Variants in NMD3 observed in about 807,000 individuals in gnomAD.
NMD3 encodes 60S ribosomal export protein NMD3.
A neutral mutation model predicts 73.1 loss-of-function variants in NMD3; 47 were observed. That is an observed-to-expected ratio of 0.64 (90% CI 0.51 to 0.82). NMD3 has a LOEUF of 0.82. Among genes scored for constraint, NMD3 ranks in the 40% least tolerant of loss-of-function variants. The probability of loss-of-function intolerance (pLI) is 0.00; values close to 1 mark genes in which losing one functional copy is unlikely to be tolerated. For synonymous variants in NMD3, 210 were observed against 194.5 expected (o/e 1.08, Z -0.66); for missense variants, 554 against 612.5 (o/e 0.90, Z 1.01).
intron 11 of NMD3, among the ~76,000 whole-genome samples, chr3:161,243,308 A>C (rs529968509): frequency 6.6e-6 from 1 of 152,340 alleles, no homozygotes; most frequent in South Asian, 2.1e-4. Flanking sequence ...AGTTGTGTGA[A>C]TGTAGTCTCT....
In NMD3 at chr3:161,234,790, T is replaced by C; in HGVS notation, c.421T>C (p.Cys141Arg). The C allele has an allele frequency of 6.2e-7, 1 of 1,613,282 alleles. No homozygotes were observed. The highest frequency in any genetic ancestry group is 8.5e-7 in the Non-Finnish European group (1 of 1,179,428). Residue 141 changes from cysteine to arginine, a missense_variant, in exon 6 of 16, where the codon TGT (cysteine) becomes CGT (arginine). Coordinates refer to ENST00000351193, the MANE Select transcript of NMD3 (RefSeq NM_015938.5). ...VVDYVVQSQM[C>R]GDCHRVEAKD... ...GGATTATGTTGTTCAGTCCCAAATGTGTGGAGATTGCCATAGAGTAGAAGC... is the reference window on the plus strand; with the variant it reads ...GGATTATGTTGTTCAGTCCCAAATGCGTGGAGATTGCCATAGAGTAGAAGC...
intron 12 of NMD3, among the ~76,000 whole-genome samples, chr3:161,247,009 A>G (rs927530673): frequency 6.6e-6 from 1 of 152,062 alleles, no homozygotes; most frequent in African/African-American, 2.4e-5. Flanking sequence ...ACTGATATGT[A>G]AGTCTGTTTT....
chr3:161,230,458 T>C (rs1478497641), intron 4 of NMD3, among the ~76,000 whole-genome samples: 1 of 152,116 alleles, frequency 6.6e-6, no homozygotes, highest in Non-Finnish European at 1.5e-5. Flanking sequence ...CTTAAGATGG[T>C]ATATATAACT....
chr3:161,223,115 G>C (rs1312205873), intron 2 of NMD3: 2 of 152,178 alleles, frequency 1.3e-5, no homozygotes, highest in African/African-American at 4.8e-5. Context: ...GGAAGAGCCT[G>C]GTTAGCTCTG....
intron 2 of NMD3, 142 bp downstream of exon 2, chr3:161,222,199 T>A: frequency 1.4e-6 from 1 of 693,144 alleles, no homozygotes; most frequent in Non-Finnish European, 2.5e-6. Context: ...CTTATTTCTG[T>A]AGAAAATCGA....
At chr3:161,242,130 A>G (rs1189159149) in intron 10 of NMD3, among the ~76,000 whole-genome samples, 1 of 152,116 alleles carries the variant, frequency 6.6e-6, no homozygotes, top group African/African-American at 2.4e-5. Flanking sequence ...TTCTTTACCT[A>G]TCTGGTAGAA....
chr3:161,247,035 T>C (rs895520950), intron 12 of NMD3, among the ~76,000 whole-genome samples: 2 of 152,196 alleles, frequency 1.3e-5, no homozygotes, highest in East Asian at 1.9e-4. Context: ...TACAAATGTA[T>C]GGCAAGGTGG....
chr3:161,225,026 G>A lies in NMD3; in HGVS notation c.141G>A (p.Pro47=), dbSNP rs765589785. ...RSKVDISQGI[P]KQVSISFCKQ... The stretch of plus-strand genomic sequence containing the variant: ...AAGTGGACATCAGCCAAGGTATTCC[G>A]AAACAAGTCTCGATTTCGTTCTGCA... Residue 47 remains proline (P), a synonymous_variant, in exon 3 of 16, where the codon CCG becomes CCA. Transcript: ENST00000351193. 2.9e-5 allele frequency: 46 copies of A among 1,613,704 alleles called. No individual in the cohort carries two copies. Among genetic ancestry groups the A allele is most frequent in the South Asian group, 8.8e-5 (8 of 91,058 alleles).
chr3:161,240,850 T>A (rs529011374), intron 9 of NMD3, among the ~76,000 whole-genome samples, 196 bp from the exon 10 acceptor site: 1 of 147,784 alleles, frequency 6.8e-6, no homozygotes, highest in Non-Finnish European at 1.5e-5. Flanking sequence ...TTTTTTTTTT[T>A]AAAGCATTTT....
rs4350933 is a variant in NMD3, at chr3:161,238,091, G to T, written c.578-22G>T. ...CCTATTTTGCATAATTATTTTCATA[G>T]GGCTTTTTTTTTTTTTTTAAGATGG... On this transcript the variant is annotated intron_variant, in intron 7 of 15. Transcript: ENST00000351193. The T allele has an allele frequency of 0.57, 815,238 of 1,422,562 alleles. 232,340 individuals are homozygous for T. Among genetic ancestry groups the T allele is most frequent in the East Asian group, 0.91 (40,452 of 44,248 alleles). 88.1% of individuals were successfully genotyped at this position (1,422,562 alleles called of 1,614,324 possible).
At position 161,222,000 on chromosome 3, in the gene NMD3, A is replaced by C; in HGVS notation, c.-14A>C. ...TTTTTTTTTTTTTTAAAAGAACTTA[A>C]GGCATACAGAACGATGGAGTATATG... On this transcript the variant is annotated 5_prime_UTR_variant, in exon 2 of 16. Coordinates refer to ENST00000351193, the MANE Select transcript of NMD3 (RefSeq NM_015938.5). The C allele has an allele frequency of 7.6e-7, 1 of 1,309,086 alleles. No individual in the cohort carries two copies. The highest frequency in any genetic ancestry group is 2.4e-5 in the East Asian group (1 of 41,650). 81.1% of individuals were successfully genotyped at this position (1,309,086 alleles called of 1,614,324 possible). A position where few individuals can be genotyped will look rare whatever the true frequency, so the allele number is the denominator to read the frequency against.
Position 161,251,387 on chromosome 3 carries a change from T to A in NMD3, c.*477T>A, listed in dbSNP as rs1353460632. ...CCACTTTACATCATTTTTATGTTGT[T>A]GAGGTAGGGAAATTAGGGTTCAGTT... On this transcript the variant is annotated 3_prime_UTR_variant, in exon 16 of 16. Coordinates refer to ENST00000351193, the MANE Select transcript of NMD3 (RefSeq NM_015938.5). The A allele has an allele frequency of 1.3e-5, 2 of 152,188 alleles. No individual in the cohort carries two copies. The highest frequency in any genetic ancestry group is 2.9e-5 in the Non-Finnish European group (2 of 68,050). 9.4% of individuals were successfully genotyped at this position (152,188 alleles called of 1,614,324 possible).
intron 9 of NMD3, 80 bp from the exon 10 acceptor site, chr3:161,240,966 G>A (rs528314538): frequency 3.0e-5 from 23 of 758,152 alleles, no homozygotes; most frequent in Non-Finnish European, 4.9e-5. Flanking sequence ...AATGCAATTG[G>A]ATTGGGTGTT....
intron 11 of NMD3, among the ~76,000 whole-genome samples, chr3:161,244,091 G>A (rs570160125): frequency 8.5e-4 from 130 of 152,172 alleles, no homozygotes; most frequent in Non-Finnish European, 1.6e-3. Flanking sequence ...TATTAACTAG[G>A]GGTTATGTAG....
Position 161,249,670 on chromosome 3 carries a change from T to TA in NMD3, c.1310+111dup, listed in dbSNP as rs1446201239. The TA allele has an allele frequency of 4.1e-6, 3 of 734,490 alleles. No individual in the cohort carries two copies. In the East Asian group the frequency reaches 8.1e-5, roughly 20 times the overall value. 45.5% of individuals were successfully genotyped at this position (734,490 alleles called of 1,614,324 possible). A position where few individuals can be genotyped will look rare whatever the true frequency, so the allele number is the denominator to read the frequency against. On this transcript the variant is annotated intron_variant, in intron 14 of 15. Transcript: ENST00000351193. Reference sequence around the variant, plus strand: ...CACACAATTGATCCTTGCACTCAATTATAATCTTGGATTCTTATCAAGGTA... The same window carrying TA: ...CACACAATTGATCCTTGCACTCAATTAATAATCTTGGATTCTTATCAAGGTA...
chr3:161,247,470 C>A, intron 13 of NMD3, 140 bp downstream of exon 13: 1 of 462,280 alleles, frequency 2.2e-6, no homozygotes, highest in Non-Finnish European at 3.8e-6. Flanking sequence ...GGTATAATAG[C>A]AAAATTTTTT....
chr3:161,235,308 C>A, intron 7 of NMD3, 96 bp downstream of exon 7: 1 of 531,272 alleles, frequency 1.9e-6, no homozygotes, highest in South Asian at 3.2e-5. Context: ...TGGATTAGTA[C>A]TGTCCAAAAG....
intron 7 of NMD3, among the ~76,000 whole-genome samples, chr3:161,236,334 C>G (rs1342816247): frequency 6.6e-6 from 1 of 152,106 alleles, no homozygotes; most frequent in Non-Finnish European, 1.5e-5. Flanking sequence ...TTCTCTGTAT[C>G]CTCCTCAACA....
intron 6 of NMD3, 25 bp from the exon 7 acceptor site, chr3:161,235,097 A>T (rs1430553805): frequency 4.1e-6 from 5 of 1,227,106 alleles, no homozygotes; most frequent in Non-Finnish European, 5.9e-6. Flanking sequence ...TGGGGCATTT[A>T]TTGATCAAAT....
Sources: gnomAD v4.1 joint callset for allele counts (sites outside exome capture counted in the v4.1 genomes callset) on GRCh38, gnomAD v4.1.1 for gene constraint, MANE v1.5 for transcripts, NCBI Gene and HGNC (gene_info 2026-07-23, HGNC 2026-07-21) for gene names.